SMCO4: variants seen among roughly 807,000 people sequenced by gnomAD.
SMCO4 encodes single-pass membrane and coiled-coil domain-containing protein 4.
In SMCO4, 4 loss-of-function variants were observed where a neutral mutation model predicts 3.6. The ratio of observed to expected loss-of-function variants is 1.11; its 90% CI spans 0.54 to 2.53. The LOEUF (loss-of-function observed/expected upper bound fraction) is 2.53. SMCO4 is among the 30% of genes most tolerant of loss of function. The pLI is 0.02. For synonymous variants in SMCO4, 36 were observed against 35.3 expected (o/e 1.02, Z -0.07); for missense variants, 70 against 80.8 (o/e 0.87, Z 0.51).
chr11:93,510,596 C>A (rs966057406), intron 1 of SMCO4, among the ~76,000 whole-genome samples: 3 of 152,180 alleles, frequency 2.0e-5, no homozygotes, highest in Non-Finnish European at 2.9e-5. Flanking sequence ...AACCCCACTG[C>A]ACCCCACCAC....
the SMCO4 span, among the ~76,000 whole-genome samples, chr11:93,553,539 T>G: frequency 6.6e-6 from 1 of 152,248 alleles, no homozygotes; most frequent in Non-Finnish European, 1.5e-5. Context: ...TCAGATATTT[T>G]CATATCATGT....
chr11:93,550,102 G>C, the SMCO4 span, among the ~76,000 whole-genome samples: 2 of 152,114 alleles, frequency 1.3e-5, no homozygotes, highest in Non-Finnish European at 1.5e-5. Context: ...TAAGTCTCTA[G>C]CTAAAGAATG....
At chr11:93,488,227 G>A (rs907429832) in intron 2 of SMCO4, among the ~76,000 whole-genome samples, 1 of 152,212 alleles carries the variant, frequency 6.6e-6, no homozygotes, top group South Asian at 2.1e-4. Context: ...ACCCTCAGGC[G>A]GGGCATCCCT....
intron 2 of SMCO4, among the ~76,000 whole-genome samples, chr11:93,493,125 A>C (rs1244631420): frequency 6.6e-6 from 1 of 152,172 alleles, no homozygotes. Flanking sequence ...CTGATTTACC[A>C]GTCAATGAGA....
chr11:93,491,786 G>A (rs1948720365), intron 2 of SMCO4, among the ~76,000 whole-genome samples: 1 of 152,212 alleles, frequency 6.6e-6, no homozygotes, highest in Non-Finnish European at 1.5e-5. Flanking sequence ...GCATGCTGGT[G>A]CACTGGAGCT....
At chr11:93,498,663 A>C (rs768605476) in intron 2 of SMCO4, among the ~76,000 whole-genome samples, 5 of 152,256 alleles carry the variant, frequency 3.3e-5, no homozygotes, top group Non-Finnish European at 7.3e-5. Context: ...ACCAATAGCC[A>C]AAGGACACCT....
At chr11:93,504,631 G>A (rs141474014) in intron 1 of SMCO4, among the ~76,000 whole-genome samples, 2 of 152,136 alleles carry the variant, frequency 1.3e-5, no homozygotes, top group African/African-American at 2.4e-5. Context: ...CTATTCTGTC[G>A]CAAAACCCTC....
chr11:93,479,088 C>T lies in SMCO4; in HGVS notation c.102G>A (p.Val34=), dbSNP rs2658797. 863,238 of 1,613,684 alleles carry T rather than the reference C, an allele frequency of 0.53. 240,359 individuals are homozygous for T. The highest frequency in any genetic ancestry group is 0.95 in the East Asian group (42,518 of 44,806). Residue 34 remains valine, a synonymous_variant, in exon 3 of 3, where the codon GTG becomes GTA. Transcript: ENST00000298966. ...GCACGACCACGGCCAGCGTGGGCAG[C>T]ACCACTGTAGTGATCTGCTGCCGGG... is the stretch of plus-strand genomic sequence containing the variant. ...QEARQQITTV[V]LPTLAVVVLL...
At chr11:93,549,982 C>T in the SMCO4 span, among the ~76,000 whole-genome samples, 1 of 152,120 alleles carries the variant, frequency 6.6e-6, no homozygotes, top group East Asian at 1.9e-4. Context: ...CTGTGAAATC[C>T]CATATAAGGA....
chr11:93,530,413 G>C (rs894317953), intron 1 of SMCO4, among the ~76,000 whole-genome samples: 10 of 152,142 alleles, frequency 6.6e-5, no homozygotes, highest in Non-Finnish European at 1.3e-4. Context: ...GGTGGATCAA[G>C]GGTCAGTACA....
intron 1 of SMCO4, among the ~76,000 whole-genome samples, chr11:93,520,594 C>T (rs1949048367): frequency 6.6e-6 from 1 of 152,222 alleles, no homozygotes; most frequent in African/African-American, 2.4e-5. Context: ...AGGCTATTTT[C>T]AACTAAAGTA....
chr11:93,491,735 G>T (rs140388475), intron 2 of SMCO4, among the ~76,000 whole-genome samples: 2,922 of 152,288 alleles, frequency 0.019, 47 homozygotes, highest in Middle Eastern at 0.044. Flanking sequence ...GACCCTTGAG[G>T]AAGATGACCA....
chr11:93,516,024 G>A (rs748783286), intron 1 of SMCO4, among the ~76,000 whole-genome samples: 2 of 152,114 alleles, frequency 1.3e-5, no homozygotes, highest in Non-Finnish European at 1.5e-5. Flanking sequence ...CATTCATTTG[G>A]GGCAGGGAAA....
chr11:93,484,254 A>T (rs1463723434), intron 2 of SMCO4, among the ~76,000 whole-genome samples: 1 of 151,986 alleles, frequency 6.6e-6, no homozygotes, highest in Non-Finnish European at 1.5e-5. Flanking sequence ...ATTGTTTGTG[A>T]TTTTTTTTCT....
Position 93,479,147 on chromosome 11 carries a change from C to G in SMCO4, c.43G>C (p.Asp15His), listed in dbSNP as rs2134562054. Reference sequence around the variant, plus strand: ...ATGGCTTGCTTCCGCTCCTTCTTGTCCTTGGAGGTCTCCTTCTTGGGCTTC... The same window carrying G: ...ATGGCTTGCTTCCGCTCCTTCTTGTGCTTGGAGGTCTCCTTCTTGGGCTTC... ...KGKPKKETSK[D>H]KKERKQAMQE... The change falls in exon 3 of 3, where the codon GAC becomes CAC. Residue 15 changes from aspartate to histidine, a missense_variant. Transcript: ENST00000298966. 6.2e-7 allele frequency: 1 copy of G among 1,614,088 alleles called. No homozygotes were observed. The highest frequency in any genetic ancestry group is 2.2e-5 in the East Asian group (1 of 44,824).
At chr11:93,542,159 C>A (rs1949275989) in intron 1 of SMCO4, among the ~76,000 whole-genome samples, 1 of 151,494 alleles carries the variant, frequency 6.6e-6, no homozygotes, top group African/African-American at 2.4e-5. Context: ...TCAACGGGCT[C>A]CACACAGGTT....
At chr11:93,526,622 T>C (rs1949111092) in intron 1 of SMCO4, among the ~76,000 whole-genome samples, 1 of 152,172 alleles carries the variant, frequency 6.6e-6, no homozygotes, top group South Asian at 2.1e-4. Context: ...GCATCCATCC[T>C]CCTCACATCT....
At chr11:93,532,579 T>A (rs1949173759) in intron 1 of SMCO4, among the ~76,000 whole-genome samples, 1 of 152,108 alleles carries the variant, frequency 6.6e-6, no homozygotes, top group African/African-American at 2.4e-5. Flanking sequence ...CCCTAATAAA[T>A]CCCCTCTCAT....
chr11:93,522,562 T>G (rs948674529), intron 1 of SMCO4, among the ~76,000 whole-genome samples: 1 of 152,228 alleles, frequency 6.6e-6, no homozygotes, highest in Non-Finnish European at 1.5e-5. Context: ...GTATTCCACA[T>G]GGAAGTACAA....
Sources: allele counts gnomAD v4.1 joint callset (sites outside exome capture counted in the v4.1 genomes callset), GRCh38; gene constraint gnomAD v4.1.1; transcripts MANE v1.5; gene names NCBI Gene and HGNC (gene_info 2026-07-23, HGNC 2026-07-21).